Variants in PDE1A observed in about 807,000 individuals in gnomAD.
PDE1A encodes the protein dual specificity calcium/calmodulin-dependent 3',5'-cyclic nucleotide phosphodiesterase 1A.
Under a neutral mutation model 61.7 loss-of-function variants are expected in PDE1A, and 35 were observed. That is an observed-to-expected ratio of 0.57 (90% CI 0.43 to 0.75). PDE1A has a LOEUF of 0.75. Among genes scored for constraint, PDE1A ranks in the 30% least tolerant of loss-of-function variants. The pLI is 0.00. For synonymous variants in PDE1A, 232 were observed against 213.2 expected, an observed-to-expected ratio of 1.09 and a Z score of -0.77; for missense variants, 597 against 630.6, an observed-to-expected ratio of 0.95 and a Z score of 0.57.
intron 1 of PDE1A, among the ~76,000 whole-genome samples, chr2:182,316,459 A>C (rs761519067): frequency 6.6e-6 from 1 of 152,182 alleles, no homozygotes; most frequent in African/African-American, 2.4e-5. Flanking sequence ...TATGTTTGGT[A>C]AATGGCCCAG....
Position 182,250,236 on chromosome 2 carries a change from C to T in PDE1A, c.168-9944G>A, listed in dbSNP as rs549855198. On this transcript the variant is annotated intron_variant, in intron 2 of 13. Transcript: ENST00000351439. ...TTAAAAAGTCTTAAAGGAGTTTGAT[C>T]TGTCTTGATCTGTCAGGAAATCTTT... Among the ~76,000 whole-genome samples, 5 of 152,282 alleles carry T rather than the reference C, an allele frequency of 3.3e-5. No individual in the cohort carries two copies. The South Asian group carries it at 8.3e-4, about 25-fold the overall frequency.
chr2:182,559,847 T>C, the PDE1A span, among the ~76,000 whole-genome samples: 7 of 152,134 alleles, frequency 4.6e-5, no homozygotes, highest in African/African-American at 1.7e-4. Context: ...ACAAGTATCA[T>C]CGAGCAAAAG....
intron 1 of PDE1A, among the ~76,000 whole-genome samples, chr2:182,325,824 C>T (rs1299123434): frequency 1.3e-5 from 2 of 152,118 alleles, no homozygotes; most frequent in East Asian, 3.9e-4. Context: ...GAGGCTGAAG[C>T]AGGAGAATTG....
the PDE1A span, among the ~76,000 whole-genome samples, chr2:182,598,497 G>C: frequency 6.8e-3 from 1,036 of 152,024 alleles, 14 homozygotes; most frequent in African/African-American, 0.024. Context: ...ACTTGAATCT[G>C]GGAGGCGGAG....
chr2:182,705,506 T>C, the PDE1A span, among the ~76,000 whole-genome samples: 1 of 150,752 alleles, frequency 6.6e-6, no homozygotes, highest in East Asian at 1.9e-4. Flanking sequence ...GGCTAAGTCT[T>C]TTTTTTTTTT....
intron 1 of PDE1A, among the ~76,000 whole-genome samples, chr2:182,292,504 C>G (rs1446770160): frequency 1.3e-5 from 2 of 151,898 alleles, no homozygotes; most frequent in South Asian, 2.1e-4. Context: ...ATAATTATTT[C>G]TTTTTAAAAT....
chr2:182,271,535 T>G (rs1283964519), intron 1 of PDE1A, among the ~76,000 whole-genome samples: 1 of 152,122 alleles, frequency 6.6e-6, no homozygotes, highest in Middle Eastern at 3.2e-3. Flanking sequence ...AATTTCCAGT[T>G]TGTTGAAGAG....
intron 1 of PDE1A, among the ~76,000 whole-genome samples, chr2:182,377,506 G>T (rs961459692): frequency 6.6e-6 from 1 of 152,248 alleles, no homozygotes; most frequent in South Asian, 2.1e-4. Flanking sequence ...TGATAGTGAT[G>T]CAAGAACAGA....
intron 7 of PDE1A, among the ~76,000 whole-genome samples, chr2:182,207,523 G>T (rs1252846712): frequency 6.6e-6 from 1 of 152,176 alleles, no homozygotes; most frequent in Non-Finnish European, 1.5e-5. Flanking sequence ...CATAAAGAAA[G>T]AAATTACCTG....
chr2:182,227,134 C>T (rs1689206826), intron 6 of PDE1A, among the ~76,000 whole-genome samples: 1 of 151,956 alleles, frequency 6.6e-6, no homozygotes, highest in Admixed American at 6.6e-5. Flanking sequence ...CAACGGATCA[C>T]AATAGCATTC....
At chr2:182,330,398 T>C (rs1293100304) in intron 1 of PDE1A, among the ~76,000 whole-genome samples, 1 of 152,076 alleles carries the variant, frequency 6.6e-6, no homozygotes, top group East Asian at 1.9e-4. Context: ...CTGAATAATT[T>C]CTTAAAATGT....
chr2:182,658,376 G>A, the PDE1A span, among the ~76,000 whole-genome samples: 1 of 152,118 alleles, frequency 6.6e-6, no homozygotes, highest in Non-Finnish European at 1.5e-5. Context: ...GTGCACCTTT[G>A]CCCTCATATG....
the PDE1A span, among the ~76,000 whole-genome samples, chr2:182,695,050 A>G: frequency 6.6e-6 from 1 of 152,090 alleles, no homozygotes; most frequent in African/African-American, 2.4e-5. Flanking sequence ...AAAATTAAAG[A>G]ATTTAGAAAC....
At chr2:182,530,904 T>TTC in the PDE1A span, among the ~76,000 whole-genome samples, 109,162 of 151,828 alleles carry the variant, frequency 0.72, 41,916 homozygotes, top group East Asian at 0.99. Flanking sequence ...GTTTTATAAA[T>TTC]TGTTTAAAAG....
chr2:182,693,652 T>C, the PDE1A span, among the ~76,000 whole-genome samples: 1 of 150,752 alleles, frequency 6.6e-6, no homozygotes, highest in Admixed American at 6.6e-5. Flanking sequence ...TTTTTTTTTT[T>C]TTTCTTTTTG....
At chr2:182,164,880 C>G (rs1691572982), downstream of PDE1A, among the ~76,000 whole-genome samples, 1 of 152,146 alleles carries the variant, frequency 6.6e-6, no homozygotes, top group African/African-American at 2.4e-5. Flanking sequence ...AAACTACCAT[C>G]TGTAAACTTA....
intron 1 of PDE1A, among the ~76,000 whole-genome samples, chr2:182,294,387 T>C (rs902468526): frequency 2.0e-5 from 3 of 152,236 alleles, no homozygotes; most frequent in South Asian, 2.1e-4. Flanking sequence ...GAAACACTAA[T>C]ATTTTCATGG....
the PDE1A span, among the ~76,000 whole-genome samples, chr2:182,592,468 G>A: frequency 6.6e-6 from 1 of 152,180 alleles, no homozygotes; most frequent in Non-Finnish European, 1.5e-5. Flanking sequence ...ATTTACACTT[G>A]AACTTGGTTA....
intron 2 of PDE1A, among the ~76,000 whole-genome samples, chr2:182,448,764 C>T (rs979338848): frequency 6.6e-6 from 1 of 151,960 alleles, no homozygotes; most frequent in African/African-American, 2.4e-5. Context: ...TATTTAAAAA[C>T]TAACACTACA....
Sources: allele counts gnomAD v4.1 joint callset (sites outside exome capture counted in the v4.1 genomes callset), GRCh38; gene constraint gnomAD v4.1.1; transcripts MANE v1.5; gene names NCBI Gene and HGNC (gene_info 2026-07-23, HGNC 2026-07-21).